Variants in FAT2 observed in about 807,000 individuals in gnomAD.
FAT2 encodes protocadherin Fat 2.
FAT2 carries 150 observed loss-of-function variants against 295.3 expected under a neutral mutation model. That is an observed-to-expected ratio of 0.51 (90% CI 0.44 to 0.58). The LOEUF is 0.58. Among genes scored for constraint, FAT2 ranks in the 20% least tolerant of loss-of-function variants. The probability of loss-of-function intolerance (pLI) is 0.00; values close to 1 mark genes in which losing one functional copy is unlikely to be tolerated. For missense variants in FAT2, 4,868 were observed against 5,442.7 expected (o/e 0.89, Z 3.32); for synonymous variants, 2,026 against 2,150.3 (o/e 0.94, Z 1.60).
chr5:151,517,941 G>A (rs1005024968), intron 19 of FAT2, among the ~76,000 whole-genome samples, 176 bp from the exon 20 acceptor site: 1 of 152,184 alleles, frequency 6.6e-6, no homozygotes, highest in Non-Finnish European at 1.5e-5. Context: ...CACACGTAGA[G>A]CCAGACAGGA....
chr5:151,587,973 G>A (rs779095832), intron 1 of FAT2, among the ~76,000 whole-genome samples: 2 of 152,196 alleles, frequency 1.3e-5, no homozygotes, highest in South Asian at 2.1e-4. Context: ...TGTTGAGTGC[G>A]TGCCAACCCA....
At chr5:151,552,895 C>A (rs1181841030) in intron 6 of FAT2, among the ~76,000 whole-genome samples, 2 of 152,212 alleles carry the variant, frequency 1.3e-5, no homozygotes, top group African/African-American at 4.8e-5. Context: ...CTTCCTGAAC[C>A]ATTTTAGGTC....
At chr5:151,564,744 A>T (rs1054247525) in intron 2 of FAT2, among the ~76,000 whole-genome samples, 1 of 152,174 alleles carries the variant, frequency 6.6e-6, no homozygotes, top group South Asian at 2.1e-4. Context: ...AACACAGAAG[A>T]TGCACATTAT....
In FAT2 at chr5:151,525,795, A is replaced by G. The variant is rs879100188; in HGVS notation, c.10479T>C (p.Ala3493=). The G allele has an allele frequency of 6.2e-7, 1 of 1,613,980 alleles. No homozygotes were observed. The highest frequency in any genetic ancestry group is 1.7e-5 in the Admixed American group (1 of 59,994). Residue 3493 remains alanine, a synonymous_variant, in exon 18 of 24, where the codon GCT becomes GCC. Transcript: ENST00000261800. The stretch of plus-strand genomic sequence containing the variant: ...GGATCTGAAGCTGATACCATTCCTG[A>G]GCCCTCCTGCTTAGGCCCTCAGCAG... ...LVTAEGLSRR[A]QEWYQLQIQA...
intron 4 of FAT2, among the ~76,000 whole-genome samples, chr5:151,556,082 T>C (rs897328014): frequency 6.6e-6 from 1 of 152,196 alleles, no homozygotes; most frequent in Non-Finnish European, 1.5e-5. Flanking sequence ...ACACATGTAC[T>C]GCTCCCCTCT....
chr5:151,555,970 T>G (rs1394539954), intron 4 of FAT2, among the ~76,000 whole-genome samples: 3 of 152,130 alleles, frequency 2.0e-5, no homozygotes, highest in Non-Finnish European at 2.9e-5. Flanking sequence ...AAGACAAAGG[T>G]CTGGTTTTCA....
At position 151,531,842 on chromosome 5, in the gene FAT2, T is replaced by A. The variant is rs1271094799; in HGVS notation, c.9556A>T (p.Thr3186Ser). The change falls in exon 14 of 24, where the codon ACG becomes TCG. Residue 3186 changes from threonine to serine, a missense_variant. Transcript: ENST00000261800. This position sits in a 1 kb window ranked among gnomAD's most constrained non-coding sequence, Gnocchi z 5.7. ...GTGCCCAGGTCAGAGGCACGGACCG[T>A]GAGCTCCAGTGGTGCCTGGGGCCTG... ...QVRPQAPLELTVRASDLGTPI... is the reference protein window; with the variant it reads ...QVRPQAPLELSVRASDLGTPI... 1 of 1,613,494 alleles carries A rather than the reference T, an allele frequency of 6.2e-7. No individual in the cohort carries two copies. Among genetic ancestry groups the A allele is most frequent in the South Asian group, 1.1e-5 (1 of 91,068 alleles).
Position 151,521,973 on chromosome 5 carries a change from A to C in FAT2, c.10620T>G (p.Val3540=), listed in dbSNP as rs774681594. 8 of 1,614,018 alleles carry C rather than the reference A, an allele frequency of 5.0e-6. No individual in the cohort carries two copies. In the Admixed American group the frequency reaches 1.2e-4, roughly 24 times the overall value. Residue 3540 remains valine (V), a synonymous_variant, in exon 19 of 24, where the codon GTT becomes GTG. Transcript: ENST00000261800. ...SALPLEIFIT[V]GEDEFQGGMV... ...TGCCACCCTGGAACTCATCCTCTCC[A>C]ACAGTGATGAAGATCTCCAGTGGGA...
Position 151,543,000 on chromosome 5 carries a change from T to A in FAT2, c.8127A>T (p.Glu2709Asp), listed in dbSNP as rs568301068. 6.2e-7 allele frequency: 1 copy of A among 1,614,040 alleles called. No individual in the cohort carries two copies. The highest frequency in any genetic ancestry group is 1.7e-5 in the Admixed American group (1 of 59,998). The change falls in exon 10 of 24, where the codon GAA (glutamate) becomes GAT (aspartate). Residue 2709 changes from glutamate (E) to aspartate (D), a missense_variant. By Grantham distance (45) the Glu-to-Asp change is conservative. This residue lies in a region of FAT2 where 3,297 missense variants were observed against 3,669.4 expected (regional missense o/e 0.90). Transcript: ENST00000261800. ...SAPEDLPEGS[E>D]IGIVKAVAAQ... The stretch of plus-strand genomic sequence containing the variant: ...CTGCCACTGCTTTAACAATCCCAAT[T>A]TCAGACCCCTCTGGAAGGTCTTCAG...
In FAT2 at chr5:151,505,212, C is replaced by A; in HGVS notation, c.*353G>T. On this transcript the variant is annotated 3_prime_UTR_variant, in exon 24 of 24. Coordinates refer to ENST00000261800, the MANE Select transcript of FAT2 (RefSeq NM_001447.3). ...GAGAATGCATCTTGGTGAAGTTGAG[C>A]CAGCACAGTCAATCAGGCTCTGCCC... is the stretch of plus-strand genomic sequence containing the variant. 2.7e-6 allele frequency: 1 copy of A among 370,486 alleles called. No individual in the cohort carries two copies. The highest frequency in any genetic ancestry group is 5.0e-6 in the Non-Finnish European group (1 of 201,776). The allele number at this position is 370,486 out of a possible 1,614,324, so 22.9% of individuals were successfully genotyped here.
At position 151,534,970 on chromosome 5, in the gene FAT2, A is replaced by ATATATAT. The variant is rs1755078921; in HGVS notation, c.9194-329_9194-328insATATATA. Among the ~76,000 whole-genome samples the ATATATAT allele has an allele frequency of 2.3e-4, 24 of 106,410 alleles. 2 individuals are homozygous for ATATATAT. The highest frequency in any genetic ancestry group is 4.3e-4 in the Non-Finnish European group (20 of 46,818). The allele number at this position is 106,410 out of a possible 152,430, so 69.8% of individuals were successfully genotyped here. A position where few individuals can be genotyped will look rare whatever the true frequency, so the allele number is the denominator to read the frequency against. ...TGGTTCGTAATTCCACTTCTAGGAA[A>ATATATAT]ATATATATATATATATATATATATA... On this transcript the variant is annotated intron_variant, in intron 12 of 23. Transcript: ENST00000261800.
At position 151,521,272 on chromosome 5, in the gene FAT2, T is replaced by G. The variant is rs765327693; in HGVS notation, c.11317+4A>C. ...CTCGTCCCTAGGGAAGATGTAGTAC[T>G]TACCATTGCAGGAGCAGCTCCTCTG... On this transcript the variant is annotated splice_donor_region_variant and intron_variant, in intron 19 of 23. Coordinates refer to ENST00000261800, the MANE Select transcript of FAT2 (RefSeq NM_001447.3). 5 of 1,601,474 alleles carry G rather than the reference T, an allele frequency of 3.1e-6. No homozygotes were observed. In the Admixed American group the frequency reaches 8.4e-5, roughly 27 times the overall value.
chr5:151,509,817 T>G (rs1761178329), intron 22 of FAT2: 2 of 590,916 alleles, frequency 3.4e-6, no homozygotes, highest in African/African-American at 1.8e-5. Context: ...TTCTCCTGCC[T>G]GGTCCGTGGA....
chr5:151,522,365 C>G (rs10053328), intron 18 of FAT2, among the ~76,000 whole-genome samples: 3,485 of 152,318 alleles, frequency 0.023, 135 homozygotes, highest in African/African-American at 0.079. Flanking sequence ...CTCTCTGAGC[C>G]TCTTCCTAAA....
In FAT2 at chr5:151,517,658, G is replaced by A; in HGVS notation, c.11425C>T (p.Leu3809Phe). ...YLKTLQPQAILLFTNETASVS... is the reference protein window; with the variant it reads ...YLKTLQPQAIFLFTNETASVS... ...GACGCTGTTTCATTGGTGAATAGAA[G>A]AATGGCCTGTGGCTGGAGTGTTTTC... The change falls in exon 20 of 24, where the codon CTT (leucine) becomes TTT (phenylalanine). Residue 3809 changes from leucine (L) to phenylalanine (F), a missense_variant. By Grantham distance (22) the Leu-to-Phe change is conservative. Around this residue, in one of 5 missense-constraint regions of FAT2, gnomAD observed 1,046 missense variants for 1,210.1 expected, o/e 0.86. Coordinates refer to ENST00000261800, the MANE Select transcript of FAT2 (RefSeq NM_001447.3). 1 of 1,614,192 alleles carries A rather than the reference G, an allele frequency of 6.2e-7. No individual in the cohort carries two copies. Among genetic ancestry groups the A allele is most frequent in the East Asian group, 2.2e-5 (1 of 44,886 alleles).
chr5:151,571,132 G>A (rs532327091), intron 1 of FAT2, among the ~76,000 whole-genome samples: 8 of 152,002 alleles, frequency 5.3e-5, no homozygotes, highest in Admixed American at 2.0e-4. Context: ...TACGTTTCCC[G>A]CCCTGCCTGC....
chr5:151,567,210 G>A lies in FAT2; in HGVS notation c.1722C>T (p.Arg574=). ...FEEVNCTGSI[R]QDWPVGKSIM... ...TCGATTTCCCTACTGGCCAGTCTTG[G>A]CGGATAGACCCTGTACAGTTGACTT... The change falls in exon 2 of 24, where the codon CGC becomes CGT. Residue 574 remains arginine (R), a synonymous_variant. Coordinates refer to ENST00000261800, the MANE Select transcript of FAT2 (RefSeq NM_001447.3). 1 of 1,614,166 alleles carries A rather than the reference G, an allele frequency of 6.2e-7. No homozygotes were observed. Among genetic ancestry groups the A allele is most frequent in the Non-Finnish European group, 8.5e-7 (1 of 1,180,034 alleles).
Position 151,566,139 on chromosome 5 carries a change from C to G in FAT2, c.2793G>C (p.Arg931Ser). ...GGGGCAGGTCCTCTGGAACCTTCAG[C>G]CTGTTGTGTTCTGTGATGCACTGGG... ...NSPQCITEHN[R>S]LKVPEDLPPG... The change falls in exon 2 of 24, where the codon AGG (arginine) becomes AGC (serine). Residue 931 changes from arginine to serine, a missense_variant. Coordinates refer to ENST00000261800, the MANE Select transcript of FAT2 (RefSeq NM_001447.3). 6.2e-7 allele frequency: 1 copy of G among 1,614,120 alleles called. No homozygotes were observed. Among genetic ancestry groups the G allele is most frequent in the Non-Finnish European group, 8.5e-7 (1 of 1,180,006 alleles).
intron 1 of FAT2, among the ~76,000 whole-genome samples, chr5:151,585,237 C>G (rs7736160): frequency 0.38 from 57,495 of 152,096 alleles, 11,282 homozygotes; most frequent in South Asian, 0.51. Flanking sequence ...TGACTGGCAA[C>G]GGGCACCAGG....
Sources: gnomAD v4.1 joint callset for allele counts (sites outside exome capture counted in the v4.1 genomes callset) on GRCh38, gnomAD v4.1.1 for gene constraint, gnomAD v4.1.1 regional missense constraint, Gnocchi (gnomAD v3.1) non-coding constraint, MANE v1.5 for transcripts, NCBI Gene and HGNC (gene_info 2026-07-23, HGNC 2026-07-21) for gene names.